EYS: variants seen among roughly 807,000 people sequenced by gnomAD.
EYS encodes protein eyes shut homolog.
In EYS, 250 loss-of-function variants were observed where a neutral mutation model predicts 282.1. That is an observed-to-expected ratio of 0.89 (90% CI 0.80 to 0.98). EYS has a LOEUF of 0.98. EYS is among the 50% of genes least tolerant of loss of function. EYS has a pLI of 0.00. For missense variants in EYS, 4,016 were observed against 3,709.0 expected, an observed-to-expected ratio of 1.08 and a Z score of -2.15; for synonymous variants, 1,355 against 1,282.9, an observed-to-expected ratio of 1.06 and a Z score of -1.20.
intron 31 of EYS, among the ~76,000 whole-genome samples, chr6:64,168,154 G>A (rs896755531): frequency 1.3e-5 from 2 of 152,108 alleles, no homozygotes; most frequent in Admixed American, 1.3e-4. Flanking sequence ...CCAGCTACTC[G>A]GGACGCTGAG....
chr6:65,138,945 G>T lies in EYS; in HGVS notation c.2024-81218C>A, dbSNP rs556620124. On this transcript the variant is annotated intron_variant, in intron 12 of 42. Transcript: ENST00000503581. Reference sequence around the variant, plus strand: ...AAGTCCAAAGATAACAGACTCTGCCGAAGTTGTGGAGAAAAGTGAATGCTT... The same window carrying T: ...AAGTCCAAAGATAACAGACTCTGCCTAAGTTGTGGAGAAAAGTGAATGCTT... Among the ~76,000 whole-genome samples, 4 of 152,200 alleles carry T rather than the reference G, an allele frequency of 2.6e-5. No individual in the cohort carries two copies. The South Asian group carries it at 6.2e-4, about 24-fold the overall frequency.
At chr6:64,150,426 T>C (rs1458571328) in intron 31 of EYS, among the ~76,000 whole-genome samples, 7 of 152,118 alleles carry the variant, frequency 4.6e-5, no homozygotes, top group Admixed American at 2.0e-4. Context: ...ACAACAAATA[T>C]AAGAAACAAT....
chr6:64,296,142 G>C (rs1010325612), intron 30 of EYS, among the ~76,000 whole-genome samples: 1 of 151,934 alleles, frequency 6.6e-6, no homozygotes, highest in Non-Finnish European at 1.5e-5. Flanking sequence ...ATCAAGTTTT[G>C]GCATAATATC....
At chr6:65,076,687 C>T (rs963837234) in intron 12 of EYS, among the ~76,000 whole-genome samples, 30 of 148,838 alleles carry the variant, frequency 2.0e-4, no homozygotes, top group African/African-American at 3.3e-4. Context: ...AATATATACA[C>T]ACACACACAC....
chr6:63,987,749 C>T (rs184037758), intron 34 of EYS, among the ~76,000 whole-genome samples: 1 of 151,544 alleles, frequency 6.6e-6, no homozygotes, highest in Admixed American at 6.6e-5. Context: ...ACTGTCATTG[C>T]CAGAATTAAA....
At chr6:64,624,678 A>G (rs1186160842) in intron 23 of EYS, among the ~76,000 whole-genome samples, 1 of 152,136 alleles carries the variant, frequency 6.6e-6, no homozygotes, top group Non-Finnish European at 1.5e-5. Flanking sequence ...AGTGATGTTT[A>G]ACTTCTAAAT....
intron 30 of EYS, among the ~76,000 whole-genome samples, chr6:64,272,341 G>A (rs1039788135): frequency 1.3e-5 from 2 of 152,142 alleles, no homozygotes; most frequent in East Asian, 1.9e-4. Flanking sequence ...TATTTTGCCT[G>A]TTAGTTGATG....
intron 35 of EYS, among the ~76,000 whole-genome samples, chr6:63,944,255 A>C (rs919358334): frequency 2.0e-5 from 3 of 152,238 alleles, no homozygotes; most frequent in African/African-American, 7.2e-5. Flanking sequence ...CAGTGCATCT[A>C]GCTCTTAGCC....
chr6:64,641,814 G>A (rs761283352), intron 22 of EYS, among the ~76,000 whole-genome samples: 8 of 152,116 alleles, frequency 5.3e-5, no homozygotes, highest in Non-Finnish European at 1.2e-4. Context: ...TCATAGGAGC[G>A]TGAACCCTAT....
At chr6:64,213,852 T>C (rs899471250) in intron 31 of EYS, among the ~76,000 whole-genome samples, 1 of 152,186 alleles carries the variant, frequency 6.6e-6, no homozygotes, top group African/African-American at 2.4e-5. Context: ...AACAATTCTA[T>C]ACACATAACG....
intron 29 of EYS, among the ~76,000 whole-genome samples, chr6:64,348,538 A>G (rs1471368421): frequency 6.6e-6 from 1 of 151,450 alleles, no homozygotes; most frequent in African/African-American, 2.4e-5. Context: ...TCTGTGGTAA[A>G]GTATTCGGAA....
At chr6:64,154,509 T>C (rs1471859645) in intron 31 of EYS, among the ~76,000 whole-genome samples, 1 of 151,570 alleles carries the variant, frequency 6.6e-6, no homozygotes, top group Non-Finnish European at 1.5e-5. Context: ...TTTTATTTTA[T>C]ATACATTTTA....
chr6:65,293,229 A>C (rs1039445854), intron 12 of EYS, among the ~76,000 whole-genome samples: 2 of 150,438 alleles, frequency 1.3e-5, no homozygotes, highest in Non-Finnish European at 3.0e-5. Flanking sequence ...ACTAGTGCTG[A>C]AAGTGTCAAA....
intron 35 of EYS, among the ~76,000 whole-genome samples, chr6:63,952,513 A>G (rs138132286): frequency 6.6e-6 from 1 of 152,242 alleles, no homozygotes; most frequent in Non-Finnish European, 1.5e-5. Context: ...TGCCTCCATA[A>G]CTGTTGTAGG....
intron 39 of EYS, among the ~76,000 whole-genome samples, chr6:63,780,738 A>C: frequency 6.6e-6 from 1 of 152,074 alleles, no homozygotes; most frequent in East Asian, 1.9e-4. Context: ...GCTGTGCAGA[A>C]GCTCTTTAGT....
intron 33 of EYS, among the ~76,000 whole-genome samples, chr6:64,005,260 T>C (rs141832046): frequency 6.6e-6 from 1 of 152,332 alleles, no homozygotes; most frequent in Non-Finnish European, 1.5e-5. Flanking sequence ...CAAGTATGTC[T>C]TCTTTTGAAA....
At chr6:65,448,913 A>G (rs771137130) in intron 5 of EYS, among the ~76,000 whole-genome samples, 27 of 152,108 alleles carry the variant, frequency 1.8e-4, no homozygotes, top group Non-Finnish European at 3.4e-4. Flanking sequence ...TCTTTTCAAC[A>G]TGATTACATA....
chr6:64,568,800 G>T (rs1765633631), intron 26 of EYS, among the ~76,000 whole-genome samples: 1 of 152,066 alleles, frequency 6.6e-6, no homozygotes, highest in Non-Finnish European at 1.5e-5. Context: ...AACAATCTTT[G>T]TTGTTCTGCA....
At chr6:64,675,381 G>A (rs969567619) in intron 22 of EYS, among the ~76,000 whole-genome samples, 1 of 149,762 alleles carries the variant, frequency 6.7e-6, no homozygotes, top group African/African-American at 2.5e-5. Flanking sequence ...TCATATGCCT[G>A]TGATTGCAAA....
Sources: gnomAD v4.1 joint callset for allele counts (sites outside exome capture counted in the v4.1 genomes callset) on GRCh38, gnomAD v4.1.1 for gene constraint, MANE v1.5 for transcripts, NCBI Gene and HGNC (gene_info 2026-07-23, HGNC 2026-07-21) for gene names.